The following KAT6A variants were observed in gnomAD, a reference collection of about 807,000 sequenced individuals.
The protein encoded by KAT6A is histone acetyltransferase KAT6A.
Under a neutral mutation model 198.4 loss-of-function variants are expected in KAT6A, and 9 were observed. The ratio of observed to expected loss-of-function variants is 0.05; its 90% CI spans 0.03 to 0.08. The LOEUF is 0.08. KAT6A is among the 10% of genes least tolerant of loss of function. The probability of loss-of-function intolerance (pLI) is 1.00; values close to 1 mark genes in which losing one functional copy is unlikely to be tolerated. For missense variants in KAT6A, 2,077 were observed against 2,509.9 expected, an observed-to-expected ratio of 0.83 and a Z score of 3.69; for synonymous variants, 890 against 883.0, an observed-to-expected ratio of 1.01 and a Z score of -0.14.
Position 41,941,841 on chromosome 8 carries a change from T to C in KAT6A, c.2437-397A>G, listed in dbSNP as rs75717960. Among the ~76,000 whole-genome samples, 348 of 152,326 alleles carry C rather than the reference T, an allele frequency of 2.3e-3. 1 individual carries two copies. The highest frequency in any genetic ancestry group is 8.1e-3 in the African/African-American group (336 of 41,578). Reference sequence around the variant, plus strand: ...CCCTCAATAAGCAAAGTGAATACTATTGTTCTTTTAAATGTTAAATGAGAT... The same window carrying C: ...CCCTCAATAAGCAAAGTGAATACTACTGTTCTTTTAAATGTTAAATGAGAT... On this transcript the variant is annotated intron_variant, in intron 14 of 16. Transcript: ENST00000265713.
chr8:41,933,564 G>A lies in KAT6A; in HGVS notation c.4656C>T (p.Asp1552=). The change falls in exon 17 of 17, where the codon GAC becomes GAT. Residue 1552 remains aspartate, a synonymous_variant. Coordinates refer to ENST00000265713, the MANE Select transcript of KAT6A (RefSeq NM_006766.5). This position sits in a 1 kb window ranked among gnomAD's most constrained non-coding sequence, Gnocchi z 6.2. ...SQQVVDSGFS[D]LGSIESTTEN... The stretch of plus-strand genomic sequence containing the variant: ...CAGTGGTGCTCTCAATGCTGCCCAG[G>A]TCACTGAAGCCGCTGTCCACCACCT... 6.2e-7 allele frequency: 1 copy of A among 1,614,142 alleles called. No homozygotes were observed. Among genetic ancestry groups the A allele is most frequent in the Non-Finnish European group, 8.5e-7 (1 of 1,180,040 alleles).
At chr8:41,961,401 C>T (rs1358839260) in intron 8 of KAT6A, among the ~76,000 whole-genome samples, 1 of 152,200 alleles carries the variant, frequency 6.6e-6, no homozygotes, top group Non-Finnish European at 1.5e-5. Flanking sequence ...TCAGCTTTCC[C>T]TCTACCAGAG....
At chr8:41,936,853 G>A (rs1015367857) in intron 16 of KAT6A, among the ~76,000 whole-genome samples, 5 of 152,088 alleles carry the variant, frequency 3.3e-5, no homozygotes, top group Non-Finnish European at 7.4e-5. Flanking sequence ...ACTGAGCGCC[G>A]GGCTTAAGCA....
chr8:41,939,042 G>C (rs900325935), intron 15 of KAT6A, among the ~76,000 whole-genome samples: 1 of 150,894 alleles, frequency 6.6e-6, no homozygotes, highest in African/African-American at 2.4e-5. Context: ...GGAACAATCT[G>C]AGCAACAAAT....
At chr8:42,024,194 A>G (rs191736036) in intron 2 of KAT6A, among the ~76,000 whole-genome samples, 58 of 152,368 alleles carry the variant, frequency 3.8e-4, no homozygotes, top group African/African-American at 1.4e-3. Context: ...CTAAGCTCTC[A>G]TAAGACTGGC....
intron 2 of KAT6A, among the ~76,000 whole-genome samples, chr8:42,005,440 T>A (rs1424136992): frequency 6.6e-6 from 1 of 152,326 alleles, no homozygotes; most frequent in Admixed American, 6.5e-5. Flanking sequence ...GTGGAGAACA[T>A]AGTGACGTAA....
intron 2 of KAT6A, among the ~76,000 whole-genome samples, chr8:42,000,995 C>T (rs78399047): frequency 6.6e-6 from 1 of 151,664 alleles, no homozygotes; most frequent in Non-Finnish European, 1.5e-5. Flanking sequence ...ATAGATAAAA[C>T]GTGAGGGAGG....
intron 2 of KAT6A, among the ~76,000 whole-genome samples, chr8:42,023,931 G>A (rs116402915): frequency 0.011 from 1,598 of 151,830 alleles, 32 homozygotes; most frequent in African/African-American, 0.037. Context: ...CAATATCACT[G>A]TATTCCACTG....
intron 9 of KAT6A, among the ~76,000 whole-genome samples, chr8:41,951,792 C>G (rs1425873775): frequency 6.6e-6 from 1 of 152,158 alleles, no homozygotes; most frequent in Non-Finnish European, 1.5e-5. Flanking sequence ...GCAGTTTGTG[C>G]AGTCAACTTG....
intron 2 of KAT6A, chr8:42,043,602 A>G (rs1239314544): frequency 6.6e-6 from 1 of 152,210 alleles, no homozygotes; most frequent in Non-Finnish European, 1.5e-5. Context: ...CTGTTCTGCA[A>G]AAAAAGAAAA....
chr8:41,966,513 T>C (rs536331217), intron 8 of KAT6A, among the ~76,000 whole-genome samples: 26 of 152,170 alleles, frequency 1.7e-4, no homozygotes, highest in African/African-American at 5.5e-4. Flanking sequence ...TGTATAGTAG[T>C]CATTGCTTCC....
intron 2 of KAT6A, among the ~76,000 whole-genome samples, chr8:42,000,437 GCTA>G (rs771114949): frequency 5.9e-5 from 9 of 151,894 alleles, no homozygotes; most frequent in Non-Finnish European, 1.3e-4. Context: ...TGTAATCCCA[GCTA>G]CTCTAGAGGC....
At chr8:41,974,927 G>A (rs977426475) in intron 7 of KAT6A, 105 bp from the exon 8 acceptor site, 37 of 626,540 alleles carry the variant, frequency 5.9e-5, no homozygotes, top group Non-Finnish European at 8.5e-5. Flanking sequence ...AATATATAAC[G>A]AAGAATATAG....
intron 2 of KAT6A, among the ~76,000 whole-genome samples, chr8:42,007,212 CAT>C (rs1564060797): frequency 6.6e-6 from 1 of 152,132 alleles, no homozygotes; most frequent in African/African-American, 2.4e-5. Context: ...GAATCCTCAA[CAT>C]AGAGTAGTGC....
intron 3 of KAT6A, among the ~76,000 whole-genome samples, chr8:41,983,666 C>G (rs1170543242): frequency 6.6e-6 from 1 of 152,136 alleles, no homozygotes; most frequent in African/African-American, 2.4e-5. Flanking sequence ...ATTGGTGAGT[C>G]AAATGTATTA....
chr8:41,939,941 G>A (rs572859553), intron 15 of KAT6A, among the ~76,000 whole-genome samples: 1 of 152,342 alleles, frequency 6.6e-6, no homozygotes, highest in South Asian at 2.1e-4. Flanking sequence ...GAAACTGGCT[G>A]GGGTATGCGA....
At chr8:42,006,497 A>C (rs1447038045) in intron 2 of KAT6A, among the ~76,000 whole-genome samples, 1 of 152,000 alleles carries the variant, frequency 6.6e-6, no homozygotes, top group African/African-American at 2.4e-5. Context: ...TGTTTTTTGG[A>C]TTTTGGAATA....
chr8:42,040,255 CTATTGA>C, intron 2 of KAT6A, among the ~76,000 whole-genome samples: 1 of 152,114 alleles, frequency 6.6e-6, no homozygotes, highest in East Asian at 1.9e-4. Flanking sequence ...TTCCCTTAGC[CTATTGA>C]TACAGAGCAA....
At chr8:42,002,453 C>G (rs563436655) in intron 2 of KAT6A, among the ~76,000 whole-genome samples, 5 of 152,090 alleles carry the variant, frequency 3.3e-5, no homozygotes, top group Non-Finnish European at 7.4e-5. Flanking sequence ...CCCAGCTACT[C>G]GGGAGGCTGA....
Sources: allele counts gnomAD v4.1 joint callset (sites outside exome capture counted in the v4.1 genomes callset), GRCh38; gene constraint gnomAD v4.1.1; non-coding constraint Gnocchi (gnomAD v3.1); transcripts MANE v1.5; gene names NCBI Gene and HGNC (gene_info 2026-07-23, HGNC 2026-07-21).